Variants in CSMD2 observed in about 807,000 individuals in gnomAD.
CSMD2 encodes the protein CUB and sushi domain-containing protein 2.
CSMD2 carries 130 observed loss-of-function variants against 398.5 expected under a neutral mutation model. The observed-to-expected ratio is 0.33, with a 90% CI of 0.28 to 0.38. The LOEUF is 0.38. Among genes scored for constraint, CSMD2 ranks in the 10% least tolerant of loss-of-function variants. CSMD2 has a pLI of 1.00. For missense variants in CSMD2, 3,829 were observed against 4,764.9 expected, an observed-to-expected ratio of 0.80 and a Z score of 5.78; for synonymous variants, 1,828 against 1,908.5, an observed-to-expected ratio of 0.96 and a Z score of 1.10.
chr1:34,118,352 A>G (rs1661815565), intron 1 of CSMD2, among the ~76,000 whole-genome samples: 2 of 152,234 alleles, frequency 1.3e-5, no homozygotes, highest in Non-Finnish European at 2.9e-5. Context: ...CTCTAAGATC[A>G]GGAACAAGGT....
At chr1:33,774,107 TTGTGTGTG>T (rs61454614) in intron 12 of CSMD2, among the ~76,000 whole-genome samples, 498 of 141,710 alleles carry the variant, frequency 3.5e-3, no homozygotes, top group African/African-American at 8.4e-3. Flanking sequence ...ATGGCTGGGA[TTGTGTGTG>T]TGTGTGTGTG....
chr1:33,790,346 G>GT (rs1434593999), intron 11 of CSMD2, among the ~76,000 whole-genome samples: 1 of 152,194 alleles, frequency 6.6e-6, no homozygotes, highest in Non-Finnish European at 1.5e-5. Flanking sequence ...CCTCTCCAAG[G>GT]TGGGTGGACC....
At chr1:33,634,052 G>T (rs1214013459) in intron 31 of CSMD2, among the ~76,000 whole-genome samples, 1 of 152,174 alleles carries the variant, frequency 6.6e-6, no homozygotes, top group African/African-American at 2.4e-5. Flanking sequence ...ACCTACCAAG[G>T]ATTCTGCTCT....
intron 28 of CSMD2, among the ~76,000 whole-genome samples, chr1:33,648,985 CA>C (rs1643611273): frequency 6.6e-6 from 1 of 152,168 alleles, no homozygotes; most frequent in Non-Finnish European, 1.5e-5. Flanking sequence ...TAGTTGGTTA[CA>C]AAAGTGTCTT....
chr1:34,145,122 A>C (rs1240607230), intron 1 of CSMD2, among the ~76,000 whole-genome samples: 1 of 152,204 alleles, frequency 6.6e-6, no homozygotes, highest in African/African-American at 2.4e-5. Context: ...GAAAGAGGAA[A>C]GTGAAATGAG....
At chr1:33,622,049 G>A (rs1641807014) in intron 37 of CSMD2, 118 bp downstream of exon 37, 1 of 764,604 alleles carries the variant, frequency 1.3e-6, no homozygotes, top group Non-Finnish European at 2.3e-6. Context: ...TAGGTTTGTG[G>A]GAAGGCTTAA....
At chr1:34,115,857 C>T (rs1224506851) in intron 1 of CSMD2, among the ~76,000 whole-genome samples, 1 of 151,708 alleles carries the variant, frequency 6.6e-6, no homozygotes, top group Non-Finnish European at 1.5e-5. Context: ...TTTTTATATG[C>T]AACTGAGGCT....
intron 4 of CSMD2, among the ~76,000 whole-genome samples, chr1:33,920,781 G>A (rs142364636): frequency 2.1e-3 from 313 of 152,252 alleles, no homozygotes; most frequent in South Asian, 7.3e-3. Context: ...AGAGGGCAAG[G>A]GAACAAGGTG....
At chr1:34,041,363 A>G (rs1319574457) in intron 2 of CSMD2, among the ~76,000 whole-genome samples, 1 of 152,178 alleles carries the variant, frequency 6.6e-6, no homozygotes, top group Non-Finnish European at 1.5e-5. Context: ...AGGTCTATGT[A>G]AGACCTTGCT....
At chr1:34,081,800 GC>G (rs1657176551) in intron 2 of CSMD2, among the ~76,000 whole-genome samples, 1 of 152,198 alleles carries the variant, frequency 6.6e-6, no homozygotes, top group Non-Finnish European at 1.5e-5. Flanking sequence ...TGCTGACATT[GC>G]CGCCTCTGCA....
At chr1:33,699,481 G>C (rs1054279669) in intron 23 of CSMD2, among the ~76,000 whole-genome samples, 1 of 152,182 alleles carries the variant, frequency 6.6e-6, no homozygotes, top group African/African-American at 2.4e-5. Context: ...TTACAACGGA[G>C]AGCATTGATT....
chr1:33,662,647 G>C (rs1365554440), intron 26 of CSMD2, among the ~76,000 whole-genome samples: 1 of 152,124 alleles, frequency 6.6e-6, no homozygotes, highest in African/African-American at 2.4e-5. Context: ...GACCATTATG[G>C]ACCGTATGTC....
At chr1:33,977,636 G>A (rs1215808635) in intron 3 of CSMD2, among the ~76,000 whole-genome samples, 1 of 151,842 alleles carries the variant, frequency 6.6e-6, no homozygotes, top group Admixed American at 6.6e-5. Flanking sequence ...TACTGCAGCA[G>A]GAGCACTGAG....
rs1382533569 is a variant in CSMD2, at chr1:33,605,319, G to A, written c.6495C>T (p.Thr2165=). The change falls in exon 42 of 71, where the codon ACC becomes ACT. Residue 2165 remains threonine, a synonymous_variant. Transcript: ENST00000373381. The part of the protein sequence containing the change: ...GHPVLTCQHG[T]NRNWDHPLPK... ...GCAGGGGGTGGTCCCAGTTCCGGTT[G>A]GTGCCATGTTGACACGTGAGGACAG... is the stretch of plus-strand genomic sequence containing the variant. 2.1e-5 allele frequency: 34 copies of A among 1,614,068 alleles called. No homozygotes were observed. The highest frequency in any genetic ancestry group is 2.8e-5 in the Non-Finnish European group (33 of 1,180,036).
intron 2 of CSMD2, among the ~76,000 whole-genome samples, chr1:34,078,104 C>A (rs2148324956): frequency 6.6e-6 from 1 of 152,070 alleles, no homozygotes; most frequent in South Asian, 2.1e-4. Context: ...CGAGTAGTAG[C>A]TGGGACTACA....
At chr1:34,073,773 C>T (rs572457363) in intron 2 of CSMD2, among the ~76,000 whole-genome samples, 1 of 152,300 alleles carries the variant, frequency 6.6e-6, no homozygotes, top group South Asian at 2.1e-4. Flanking sequence ...CCTCTTTAGC[C>T]ACTATGTTAG....
chr1:34,130,924 A>AT (rs970350414), intron 1 of CSMD2, among the ~76,000 whole-genome samples: 3 of 152,030 alleles, frequency 2.0e-5, no homozygotes, highest in Non-Finnish European at 4.4e-5. Flanking sequence ...AGACCATCCT[A>AT]TCCAGGAATC....
rs748534861 is a variant in CSMD2, at chr1:33,819,852, G to C, written c.1200-15C>G. 5 of 1,613,724 alleles carry C rather than the reference G, an allele frequency of 3.1e-6. No homozygotes were observed. The highest frequency in any genetic ancestry group is 4.2e-6 in the Non-Finnish European group (5 of 1,179,790). On this transcript the variant is annotated splice_polypyrimidine_tract_variant and intron_variant, in intron 8 of 70. Coordinates refer to ENST00000373381, the MANE Select transcript of CSMD2 (RefSeq NM_001281956.2). ...TGGATCCTAACCTGGGAGACAAAGT[G>C]TGTCTGTGAGCTCCATCCCTGGGCC... is the stretch of plus-strand genomic sequence containing the variant.
intron 37 of CSMD2, among the ~76,000 whole-genome samples, chr1:33,621,858 G>A (rs1380878315): frequency 6.6e-6 from 1 of 152,174 alleles, no homozygotes; most frequent in East Asian, 1.9e-4. Context: ...TAGACCTGGG[G>A]GAGGAAAGCA....
Sources: gnomAD v4.1 joint callset for allele counts (sites outside exome capture counted in the v4.1 genomes callset) on GRCh38, gnomAD v4.1.1 for gene constraint, MANE v1.5 for transcripts, NCBI Gene and HGNC (gene_info 2026-07-23, HGNC 2026-07-21) for gene names.